The following NRXN3 variants were observed in gnomAD, a reference collection of about 807,000 sequenced individuals.
NRXN3 encodes neurexin 3.
Under a neutral mutation model 137.6 loss-of-function variants are expected in NRXN3, and 32 were observed. That is an observed-to-expected ratio of 0.23 (90% CI 0.18 to 0.31). The LOEUF (loss-of-function observed/expected upper bound fraction) is 0.31. NRXN3 is among the 10% of genes least tolerant of loss of function. The probability of loss-of-function intolerance (pLI) is 1.00; values close to 1 mark genes in which losing one functional copy is unlikely to be tolerated. For synonymous variants in NRXN3, 798 were observed against 784.5 expected (o/e 1.02, Z -0.29); for missense variants, 1,574 against 2,062.5 (o/e 0.76, Z 4.59).
intron 19 of NRXN3, among the ~76,000 whole-genome samples, chr14:79,740,841 A>C (rs143180644): frequency 2.2e-4 from 32 of 145,560 alleles, no homozygotes; most frequent in African/African-American, 7.1e-4. Context: ...ACTAGATTGC[A>C]AATTTCTACA....
intron 1 of NRXN3, among the ~76,000 whole-genome samples, chr14:78,229,698 C>A (rs1039635459): frequency 1.3e-5 from 2 of 152,218 alleles, no homozygotes; most frequent in African/African-American, 4.8e-5. Flanking sequence ...AACCTACCAT[C>A]GTTCTAAGCT....
At chr14:78,892,882 A>G (rs2099163284) in intron 10 of NRXN3, among the ~76,000 whole-genome samples, 1 of 151,840 alleles carries the variant, frequency 6.6e-6, no homozygotes, top group African/African-American at 2.4e-5. Context: ...GCATAAAAAC[A>G]AAGAAAAAAT....
chr14:78,636,844 A>G (rs1441029496), intron 4 of NRXN3, among the ~76,000 whole-genome samples: 1 of 141,474 alleles, frequency 7.1e-6, no homozygotes, highest in African/African-American at 2.7e-5. Flanking sequence ...TTATTTTTTT[A>G]GCAATATCCG....
intron 19 of NRXN3, among the ~76,000 whole-genome samples, chr14:79,795,945 A>G (rs2099159801): frequency 6.6e-6 from 1 of 152,204 alleles, no homozygotes; most frequent in Non-Finnish European, 1.5e-5. Flanking sequence ...AAAGAAAGGG[A>G]AAAAGGGAGG....
At chr14:79,719,492 A>G (rs1452487788) in intron 19 of NRXN3, among the ~76,000 whole-genome samples, 2 of 151,524 alleles carry the variant, frequency 1.3e-5, no homozygotes, top group Non-Finnish European at 2.9e-5. Context: ...TGTCCCTTCT[A>G]TTAGCACTTA....
chr14:78,952,342 C>T (rs555565073), intron 10 of NRXN3, among the ~76,000 whole-genome samples: 2 of 152,234 alleles, frequency 1.3e-5, no homozygotes, highest in South Asian at 4.1e-4. Context: ...CCAAAGAAAG[C>T]AACCAGAAGC....
chr14:79,388,882 T>C (rs1054729232), intron 15 of NRXN3, among the ~76,000 whole-genome samples: 2 of 152,152 alleles, frequency 1.3e-5, no homozygotes, highest in African/African-American at 2.4e-5. Flanking sequence ...GTTGTCATGA[T>C]AGTAAGTCTC....
intron 16 of NRXN3, among the ~76,000 whole-genome samples, chr14:79,659,453 T>C (rs1292305419): frequency 6.6e-6 from 1 of 152,154 alleles, no homozygotes; most frequent in Admixed American, 6.5e-5. Context: ...GGATAGGAAA[T>C]CAACCCTGCA....
At chr14:78,873,480 A>G (rs1453613013) in intron 10 of NRXN3, among the ~76,000 whole-genome samples, 1 of 152,214 alleles carries the variant, frequency 6.6e-6, no homozygotes, top group Non-Finnish European at 1.5e-5. Context: ...ATAAAAATAA[A>G]AATAGCAGAC....
At chr14:79,415,833 C>T (rs2095489353) in intron 15 of NRXN3, among the ~76,000 whole-genome samples, 1 of 152,104 alleles carries the variant, frequency 6.6e-6, no homozygotes, top group Admixed American at 6.6e-5. Flanking sequence ...AGCATGGTCC[C>T]TGAACCATCT....
intron 4 of NRXN3, among the ~76,000 whole-genome samples, chr14:78,570,262 C>T (rs2096877369): frequency 6.6e-6 from 1 of 152,068 alleles, no homozygotes; most frequent in South Asian, 2.1e-4. Context: ...TCTGCCATGT[C>T]AGGATACAAT....
intron 1 of NRXN3, among the ~76,000 whole-genome samples, chr14:78,194,886 C>T (rs2061086413): frequency 6.6e-6 from 1 of 152,156 alleles, no homozygotes. Context: ...GGTTTGAATG[C>T]CATTTGTCTT....
At position 79,087,558 on chromosome 14, in the gene NRXN3, C is replaced by A. The variant is rs1430936586; in HGVS notation, c.3262+99417C>A. On this transcript the variant is annotated intron_variant, in intron 15 of 20. Coordinates refer to ENST00000335750, the MANE Select transcript of NRXN3 (RefSeq NM_001330195.2). Reference sequence around the variant, plus strand: ...TGCCAGGTATGAATAGGGAAAACTTCTTGGTAGTGGTGATACCTTATTAGA... The same window carrying A: ...TGCCAGGTATGAATAGGGAAAACTTATTGGTAGTGGTGATACCTTATTAGA... Among the ~76,000 whole-genome samples the A allele has an allele frequency of 2.6e-5, 4 of 152,282 alleles. No homozygotes were observed. The South Asian group carries it at 6.2e-4, about 24-fold the overall frequency.
intron 8 of NRXN3, among the ~76,000 whole-genome samples, chr14:78,777,187 A>G (rs148577809): frequency 4.6e-5 from 7 of 152,170 alleles, no homozygotes; most frequent in Admixed American, 4.6e-4. Context: ...CCATCCTTCC[A>G]TATCAGAGTC....
intron 3 of NRXN3, among the ~76,000 whole-genome samples, chr14:78,286,343 G>C (rs902808022): frequency 3.3e-5 from 5 of 152,158 alleles, no homozygotes; most frequent in African/African-American, 1.2e-4. Flanking sequence ...TCATTGATGA[G>C]ACCATTGCGA....
At chr14:78,897,797 A>C (rs1363979552) in intron 10 of NRXN3, among the ~76,000 whole-genome samples, 2 of 151,988 alleles carry the variant, frequency 1.3e-5, no homozygotes, top group African/African-American at 4.8e-5. Context: ...TAATTAATCC[A>C]GAATTATTTC....
chr14:79,513,163 T>C (rs1284101457), intron 16 of NRXN3, among the ~76,000 whole-genome samples: 3 of 152,308 alleles, frequency 2.0e-5, no homozygotes, highest in South Asian at 4.1e-4. Context: ...ATAAACTGTG[T>C]TTTTTCTCAG....
rs1568009789 is a variant in NRXN3, at chr14:79,020,124, T to TTTCTTTTCTTTTCCCTTCCCTTCCC, written c.3262+31986_3262+31987insTTTTCTTTTCCCTTCCCTTCCCTTC. Among the ~76,000 whole-genome samples the TTTCTTTTCTTTTCCCTTCCCTTCCC allele has an allele frequency of 8.1e-5, 9 of 110,980 alleles. 2 individuals carry two copies. Among genetic ancestry groups the TTTCTTTTCTTTTCCCTTCCCTTCCC allele is most frequent in the African/African-American group, 3.1e-4 (9 of 29,050 alleles). 72.8% of individuals were successfully genotyped at this position (110,980 alleles called of 152,430 possible). A position where few individuals can be genotyped will look rare whatever the true frequency, so the allele number is the denominator to read the frequency against. On this transcript the variant is annotated intron_variant, in intron 15 of 20. Transcript: ENST00000335750. ...TGGCTTCAAGGTTGCTTTCTTTTCC[T>TTTCTTTTCTTTTCCCTTCCCTTCCC]TTCCCTTCCCTTCCCTTCCCTTCCC... is the stretch of plus-strand genomic sequence containing the variant.
intron 16 of NRXN3, among the ~76,000 whole-genome samples, chr14:79,486,913 T>TTCTCTCTCTCTCTC (rs58861355): frequency 3.1e-4 from 40 of 128,538 alleles, no homozygotes; most frequent in African/African-American, 6.4e-4. Context: ...TCTTTACAGG[T>TTCTCTCTCTCTCTC]TCTCTCTCTC....
Sources: allele counts gnomAD v4.1 joint callset (sites outside exome capture counted in the v4.1 genomes callset), GRCh38; gene constraint gnomAD v4.1.1; transcripts MANE v1.5; gene names NCBI Gene and HGNC (gene_info 2026-07-23, HGNC 2026-07-21).